Variants in AFF2 observed in about 807,000 individuals in gnomAD.
The protein encoded by AFF2 is AF4/FMR2 family member 2.
In AFF2, 14 loss-of-function variants were observed where a neutral mutation model predicts 76.9. The ratio of observed to expected loss-of-function variants is 0.18; its 90% CI spans 0.12 to 0.28. AFF2 has a LOEUF of 0.28. Ranked by LOEUF, AFF2 falls within the 10% of genes least tolerant of loss-of-function variation. The pLI is 1.00. For synonymous variants in AFF2, 398 were observed against 366.7 expected, an observed-to-expected ratio of 1.09 and a Z score of -0.98; for missense variants, 868 against 1,001.1, an observed-to-expected ratio of 0.87 and a Z score of 1.79.
chrX:148,563,076 G>A (rs1450648364), intron 1 of AFF2, among the ~76,000 whole-genome samples: 1 of 111,082 alleles, frequency 9.0e-6, no homozygotes, highest in Non-Finnish European at 1.9e-5. Flanking sequence ...GTGGATCTTG[G>A]GGAAGCATTT....
At chrX:148,743,112 A>C (rs2055379941) in intron 3 of AFF2, among the ~76,000 whole-genome samples, 1 of 111,879 alleles carries the variant, frequency 8.9e-6, no homozygotes, top group Admixed American at 9.5e-5. Context: ...CTTTAAAACT[A>C]ATATTTTCTT....
intron 1 of AFF2, among the ~76,000 whole-genome samples, chrX:148,614,534 A>G (rs2053764673): frequency 9.1e-6 from 1 of 110,077 alleles, no homozygotes; most frequent in African/African-American, 3.3e-5. Context: ...ATTCAAAACT[A>G]CTATAGCAGG....
At chrX:148,534,648 C>T (rs1569550893) in intron 1 of AFF2, among the ~76,000 whole-genome samples, 1 of 111,469 alleles carries the variant, frequency 9.0e-6, no homozygotes, top group Non-Finnish European at 1.9e-5. Context: ...ATGTCTGGCA[C>T]AAAAAAAGAC....
intron 3 of AFF2, among the ~76,000 whole-genome samples, chrX:148,697,706 G>C (rs1026115689): frequency 1.7e-4 from 19 of 110,934 alleles, no homozygotes; most frequent in African/African-American, 5.6e-4. Context: ...TCTGAACTTT[G>C]GTTATTTGAG....
intron 3 of AFF2, among the ~76,000 whole-genome samples, chrX:148,668,128 G>A (rs1432586331): frequency 8.9e-6 from 1 of 112,867 alleles, no homozygotes; most frequent in African/African-American, 3.2e-5. Flanking sequence ...AATCCAGCAG[G>A]GCCGTCAAAC....
At chrX:148,583,282 A>G (rs2053433290) in intron 1 of AFF2, among the ~76,000 whole-genome samples, 1 of 112,246 alleles carries the variant, frequency 8.9e-6, no homozygotes, top group African/African-American at 3.2e-5. Context: ...AGCCATTACA[A>G]AAACTGAAGT....
At chrX:148,528,679 A>G (rs1366152711) in intron 1 of AFF2, among the ~76,000 whole-genome samples, 4 of 111,869 alleles carry the variant, frequency 3.6e-5, no homozygotes, top group African/African-American at 1.3e-4. Flanking sequence ...ATTTCAGTTC[A>G]TTAATTTTTT....
intron 3 of AFF2, among the ~76,000 whole-genome samples, chrX:148,670,403 C>A (rs1557258950): frequency 9.0e-6 from 1 of 111,483 alleles, no homozygotes; most frequent in African/African-American, 3.3e-5. Flanking sequence ...ATCTGGAGAG[C>A]AGTTCATATG....
intron 1 of AFF2, among the ~76,000 whole-genome samples, chrX:148,606,122 C>A (rs1440489899): frequency 1.8e-5 from 2 of 112,160 alleles, no homozygotes; most frequent in African/African-American, 6.5e-5. Flanking sequence ...CACATATAAT[C>A]ATGATAAAAC....
chrX:148,876,090 A>G (rs2071033050), intron 7 of AFF2, among the ~76,000 whole-genome samples: 1 of 112,157 alleles, frequency 8.9e-6, no homozygotes. Context: ...ACATTTCTCT[A>G]GTTTGCCTTG....
intron 1 of AFF2, among the ~76,000 whole-genome samples, chrX:148,581,753 C>T (rs955312783): frequency 8.9e-6 from 1 of 112,251 alleles, no homozygotes; most frequent in South Asian, 3.6e-4. Context: ...ACATATTGAA[C>T]ATAAAGTTCA....
chrX:148,599,212 G>T (rs946786080), intron 1 of AFF2, among the ~76,000 whole-genome samples: 1 of 112,513 alleles, frequency 8.9e-6, no homozygotes, highest in Non-Finnish European at 1.9e-5. Flanking sequence ...ATTGAAAATT[G>T]AGTACGTCCT....
chrX:148,828,561 G>A (rs372096089), intron 4 of AFF2, among the ~76,000 whole-genome samples: 3 of 112,321 alleles, frequency 2.7e-5, no homozygotes, highest in South Asian at 3.7e-4. Flanking sequence ...CAAGGCAATC[G>A]TGTTTAGGGA....
chrX:148,783,494 T>C (rs1419803139), intron 3 of AFF2, among the ~76,000 whole-genome samples: 4 of 112,121 alleles, frequency 3.6e-5, no homozygotes, highest in Non-Finnish European at 7.5e-5. Context: ...TAGTTAGTTT[T>C]TACAGGTTGG....
chrX:148,644,233 G>T (rs782355912), intron 1 of AFF2, among the ~76,000 whole-genome samples: 1 of 111,862 alleles, frequency 8.9e-6, no homozygotes, highest in South Asian at 3.8e-4. Context: ...TGTGTGAGCA[G>T]AGCTTAAATA....
At chrX:148,529,280 A>G (rs1360920674) in intron 1 of AFF2, among the ~76,000 whole-genome samples, 4 of 111,666 alleles carry the variant, frequency 3.6e-5, no homozygotes, top group Non-Finnish European at 5.6e-5. Context: ...GCATGACCCC[A>G]TGACCCTTCC....
At chrX:148,870,173 A>T (rs921076352) in intron 7 of AFF2, among the ~76,000 whole-genome samples, 6 of 111,358 alleles carry the variant, frequency 5.4e-5, no homozygotes, top group Admixed American at 9.5e-5. Flanking sequence ...CTTACCCCCA[A>T]AACCACTCTG....
chrX:148,527,806 G>A (rs1557235415), intron 1 of AFF2, among the ~76,000 whole-genome samples: 1 of 111,681 alleles, frequency 9.0e-6, no homozygotes, highest in Non-Finnish European at 1.9e-5. Flanking sequence ...CAGTAATTGG[G>A]TCCCTTCTAA....
chrX:148,743,946 A>G (rs1165272271), intron 3 of AFF2, among the ~76,000 whole-genome samples: 2 of 111,117 alleles, frequency 1.8e-5, no homozygotes, highest in Non-Finnish European at 3.8e-5. Context: ...ATAAGTAAAT[A>G]TGTGTATATG....
Sources: gnomAD v4.1 joint callset for allele counts (sites outside exome capture counted in the v4.1 genomes callset) on GRCh38, gnomAD v4.1.1 for gene constraint, MANE v1.5 for transcripts, NCBI Gene and HGNC (gene_info 2026-07-23, HGNC 2026-07-21) for gene names.